TAF4: variants seen among roughly 807,000 people sequenced by gnomAD.
TAF4 encodes transcription initiation factor TFIID subunit 4.
A neutral mutation model predicts 90.3 loss-of-function variants in TAF4; 9 were observed. The observed-to-expected ratio is 0.10, with a 90% confidence interval of 0.06 to 0.17. The LOEUF (loss-of-function observed/expected upper bound fraction) is 0.17, where lower values mean the gene tolerates loss of function less well. Among genes scored for constraint, TAF4 ranks in the 10% least tolerant of loss-of-function variants. The pLI, the probability that TAF4 is intolerant of heterozygous loss-of-function variation, is 1.00. For synonymous variants in TAF4, 818 were observed against 638.9 expected, an observed-to-expected ratio of 1.28 and a Z score of -4.23; for missense variants, 1,351 against 1,370.7, an observed-to-expected ratio of 0.99 and a Z score of 0.23.
intron 14 of TAF4, among the ~76,000 whole-genome samples, chr20:61,993,005 C>T (rs2055641001): frequency 6.6e-6 from 1 of 152,118 alleles, no homozygotes; most frequent in Non-Finnish European, 1.5e-5. Flanking sequence ...AGGGTGACAA[C>T]CTGTTGATCC....
rs544960895 is a variant in TAF4, at chr20:61,994,592, A to T, written c.3090+2958T>A. On this transcript the variant is annotated intron_variant, in intron 14 of 14. Coordinates refer to ENST00000252996, the MANE Select transcript of TAF4 (RefSeq NM_003185.4). The stretch of plus-strand genomic sequence containing the variant: ...ACCTGGAGTCCCTCCTCTCCACACC[A>T]GGCAGCCATTTCTCAGAGGTCACTG... Among the ~76,000 whole-genome samples, 148 of 152,272 alleles carry T rather than the reference A, an allele frequency of 9.7e-4. 1 individual carries two copies. Among genetic ancestry groups the T allele is most frequent in the Non-Finnish European group, 1.3e-3 (86 of 68,016 alleles).
intron 1 of TAF4, among the ~76,000 whole-genome samples, chr20:62,064,090 G>A (rs1239942757): frequency 2.0e-5 from 3 of 152,214 alleles, no homozygotes; most frequent in African/African-American, 2.4e-5. Context: ...CCTGGCCCAG[G>A]GAGCCCCTGC....
At chr20:62,061,238 A>AC (rs762043647) in intron 1 of TAF4, among the ~76,000 whole-genome samples, 2 of 152,182 alleles carry the variant, frequency 1.3e-5, no homozygotes, top group Non-Finnish European at 2.9e-5. Context: ...GCCAAATCCA[A>AC]CCCGTCCCAA....
In TAF4 at chr20:62,039,085, C is replaced by T. The variant is rs1300620364; in HGVS notation, c.1361-24378G>A. Among the ~76,000 whole-genome samples the T allele has an allele frequency of 2.0e-5, 3 of 152,096 alleles. No homozygotes were observed. In the South Asian group the frequency reaches 6.2e-4, roughly 32 times the overall value. On this transcript the variant is annotated intron_variant, in intron 1 of 14. Coordinates refer to ENST00000252996, the MANE Select transcript of TAF4 (RefSeq NM_003185.4). Reference sequence around the variant, plus strand: ...AACAAACAAAAAGCTATCAAGGTATCAAGAGGCTTTTTTTGTAGAAGTTGA... The same window carrying T: ...AACAAACAAAAAGCTATCAAGGTATTAAGAGGCTTTTTTTGTAGAAGTTGA...
chr20:62,023,458 GA>G (rs2055855149), intron 1 of TAF4, among the ~76,000 whole-genome samples: 2 of 151,486 alleles, frequency 1.3e-5, no homozygotes. Flanking sequence ...AAAAGTCAGA[GA>G]GCTGACACGA....
At chr20:62,014,036 G>GTA (rs1568932232) in intron 2 of TAF4, among the ~76,000 whole-genome samples, 1 of 140,226 alleles carries the variant, frequency 7.1e-6, no homozygotes, top group Non-Finnish European at 1.5e-5. Flanking sequence ...GTGTGTGTGT[G>GTA]TGTGTGTGTA....
chr20:62,046,175 G>A (rs890801687), intron 1 of TAF4, among the ~76,000 whole-genome samples: 4 of 152,150 alleles, frequency 2.6e-5, no homozygotes, highest in Non-Finnish European at 4.4e-5. Flanking sequence ...GAAACACCAC[G>A]CTACAGGCAA....
At chr20:62,014,023 T>TGGGG (rs1354883504) in intron 2 of TAF4, among the ~76,000 whole-genome samples, 4,700 of 100,222 alleles carry the variant, frequency 0.047, 257 homozygotes, top group African/African-American at 0.14. Context: ...GGTGTGGGTG[T>TGGGG]GTGTGTGTGT....
At position 62,065,202 on chromosome 20, in the gene TAF4, C is replaced by T. The variant is rs1349876108; in HGVS notation, c.609G>A (p.Ala203=). The part of the protein sequence containing the change: ...GAAQTLNGSA[A]LLNSHHAAAP... The stretch of plus-strand genomic sequence containing the variant: ...CGGCGGCGTGGTGCGAGTTCAGCAG[C>T]GCGGCGCTCCCATTCAAAGTTTGCG... Residue 203 remains alanine, a synonymous_variant, in exon 1 of 15, where the codon GCG becomes GCA. Coordinates refer to ENST00000252996, the MANE Select transcript of TAF4 (RefSeq NM_003185.4). 3.4e-6 allele frequency: 4 copies of T among 1,185,444 alleles called. No individual in the cohort carries two copies. The highest frequency in any genetic ancestry group is 3.8e-4 in the Middle Eastern group (1 of 2,648). 73.4% of individuals were successfully genotyped at this position (1,185,444 alleles called of 1,614,324 possible). A position where few individuals can be genotyped will look rare whatever the true frequency, so the allele number is the denominator to read the frequency against.
intron 1 of TAF4, among the ~76,000 whole-genome samples, chr20:62,063,371 G>C (rs933790656): frequency 6.6e-6 from 1 of 152,176 alleles, no homozygotes; most frequent in African/African-American, 2.4e-5. Flanking sequence ...TGCTGCCACC[G>C]CGCTGCTACA....
intron 1 of TAF4, among the ~76,000 whole-genome samples, chr20:62,054,732 T>A (rs1469716951): frequency 6.6e-6 from 1 of 152,082 alleles, no homozygotes; most frequent in African/African-American, 2.4e-5. Context: ...GGCCCAGCCT[T>A]GGAGGTGCCG....
intron 1 of TAF4, among the ~76,000 whole-genome samples, chr20:62,052,727 G>A (rs1600863371): frequency 7.1e-6 from 1 of 141,764 alleles, no homozygotes; most frequent in African/African-American, 2.7e-5. Flanking sequence ...CACACCCCAG[G>A]TCCCTCACAC....
chr20:62,014,019 G>GGTGT lies in TAF4; in HGVS notation c.1521+524_1521+527dup, dbSNP rs56759835. Among the ~76,000 whole-genome samples, 81 of 126,466 alleles carry GGTGT rather than the reference G, an allele frequency of 6.4e-4. 1 individual carries two copies. The highest frequency in any genetic ancestry group is 2.3e-3 in the East Asian group (9 of 3,892). 83.0% of individuals were successfully genotyped at this position (126,466 alleles called of 152,430 possible). ...CCCTGAAGGCTGACGCGGGGGTGTG[G>GGTGT]GTGTGTGTGTGTGTGTGTGTGTGTG... On this transcript the variant is annotated intron_variant, in intron 2 of 14. Coordinates refer to ENST00000252996, the MANE Select transcript of TAF4 (RefSeq NM_003185.4).
At chr20:61,994,378 T>C (rs1199124141) in intron 14 of TAF4, among the ~76,000 whole-genome samples, 1 of 152,222 alleles carries the variant, frequency 6.6e-6, no homozygotes, top group South Asian at 2.1e-4. Flanking sequence ...TGGGAATCTG[T>C]ACTTACTTAC....
chr20:61,988,862 C>T (rs1207654095), intron 14 of TAF4, among the ~76,000 whole-genome samples: 1 of 152,158 alleles, frequency 6.6e-6, no homozygotes, highest in African/African-American at 2.4e-5. Context: ...TGAGGACGCA[C>T]GAGCTCCCTT....
chr20:61,978,653 G>A (rs1461515444), intron 14 of TAF4, among the ~76,000 whole-genome samples: 4 of 149,736 alleles, frequency 2.7e-5, no homozygotes, highest in Admixed American at 1.3e-4. Context: ...GGCCGAGGGC[G>A]AGACCAACCA....
Position 62,000,622 on chromosome 20 carries a change from C to A in TAF4, c.2586G>T (p.Thr862=). The A allele has an allele frequency of 6.2e-7, 1 of 1,614,274 alleles. No individual in the cohort carries two copies. The highest frequency in any genetic ancestry group is 8.5e-7 in the Non-Finnish European group (1 of 1,180,052). The change falls in exon 10 of 15, where the codon ACG becomes ACT. Residue 862 remains threonine (T), a synonymous_variant. Coordinates refer to ENST00000252996, the MANE Select transcript of TAF4 (RefSeq NM_003185.4). ...ILATNSELVG[T]LTRSCKDETF... Reference sequence around the variant, plus strand: ...TTTCATCTTTACAGGACCGCGTTAGCGTGCCCACCAATTCAGAGTTCGTGG... The same window carrying A: ...TTTCATCTTTACAGGACCGCGTTAGAGTGCCCACCAATTCAGAGTTCGTGG...
At chr20:62,033,417 A>G (rs2055915065) in intron 1 of TAF4, among the ~76,000 whole-genome samples, 1 of 152,188 alleles carries the variant, frequency 6.6e-6, no homozygotes, top group South Asian at 2.1e-4. Context: ...GCCCCAAGAA[A>G]AGCAAACAGA....
At chr20:62,028,868 G>A (rs2055888303) in intron 1 of TAF4, among the ~76,000 whole-genome samples, 1 of 152,128 alleles carries the variant, frequency 6.6e-6, no homozygotes, top group Admixed American at 6.6e-5. Context: ...CAACCCCTGT[G>A]TCAGCTACAG....
Sources: gnomAD v4.1 joint callset for allele counts (sites outside exome capture counted in the v4.1 genomes callset) on GRCh38, gnomAD v4.1.1 for gene constraint, MANE v1.5 for transcripts, NCBI Gene and HGNC (gene_info 2026-07-23, HGNC 2026-07-21) for gene names.